The following IL1RAP variants were observed in gnomAD, a reference collection of about 807,000 sequenced individuals.
IL1RAP encodes the protein interleukin 1 receptor accessory protein.
A neutral mutation model predicts 60.7 loss-of-function variants in IL1RAP; 35 were observed. That is an observed-to-expected ratio of 0.58 (90% CI 0.44 to 0.76). The LOEUF (loss-of-function observed/expected upper bound fraction) is 0.76, where lower values mean the gene tolerates loss of function less well. IL1RAP is among the 30% of genes least tolerant of loss of function. The pLI is 0.00. For synonymous variants in IL1RAP, 268 were observed against 250.9 expected, an observed-to-expected ratio of 1.07 and a Z score of -0.64; for missense variants, 572 against 693.9, an observed-to-expected ratio of 0.82 and a Z score of 1.97.
At chr3:190,628,913 T>C (rs1024943) in intron 8 of IL1RAP, among the ~76,000 whole-genome samples, 136,940 of 152,222 alleles carry the variant, frequency 0.9, 61,807 homozygotes, top group East Asian at 1. Context: ...ATGACTTCCC[T>C]CTTTTCCAAA....
chr3:190,567,771 T>C (rs1726545300), intron 3 of IL1RAP, among the ~76,000 whole-genome samples: 1 of 152,230 alleles, frequency 6.6e-6, no homozygotes, highest in African/African-American at 2.4e-5. Flanking sequence ...CTGAAACATT[T>C]TCTTCAGGAG....
chr3:190,540,126 A>G (rs891968649), intron 1 of IL1RAP, among the ~76,000 whole-genome samples: 1 of 152,116 alleles, frequency 6.6e-6, no homozygotes, highest in Admixed American at 6.5e-5. Flanking sequence ...GTTTTTGTTT[A>G]GAGAGATCTA....
At chr3:190,516,581 A>C (rs920850387) in intron 1 of IL1RAP, among the ~76,000 whole-genome samples, 2 of 152,230 alleles carry the variant, frequency 1.3e-5, no homozygotes, top group African/African-American at 4.8e-5. Flanking sequence ...CTGGGAGGAC[A>C]TGGCAAGAAT....
At chr3:190,560,932 G>C (rs113691703) in intron 2 of IL1RAP, among the ~76,000 whole-genome samples, 2 of 152,214 alleles carry the variant, frequency 1.3e-5, no homozygotes, top group African/African-American at 4.8e-5. Context: ...GAAACAATAG[G>C]ATTAAATATG....
intron 3 of IL1RAP, among the ~76,000 whole-genome samples, chr3:190,575,538 G>A (rs561466391): frequency 6.6e-6 from 1 of 152,308 alleles, no homozygotes; most frequent in South Asian, 2.1e-4. Flanking sequence ...TGAGAATTGA[G>A]GGATGAGAAA....
rs1211656688 is a variant in IL1RAP, at chr3:190,524,998, ATGTG to A, written c.-89+10783_-89+10786del. Among the ~76,000 whole-genome samples, 6 of 146,468 alleles carry A rather than the reference ATGTG, an allele frequency of 4.1e-5. No individual in the cohort carries two copies. The East Asian group carries it at 1.2e-3, about 29-fold the overall frequency. ...AATTTATGTCTATGTACATATATAT[ATGTG>A]TGTACATGTATATATGTGTATGTAA... On this transcript the variant is annotated intron_variant, in intron 1 of 11. Coordinates refer to ENST00000447382, the MANE Select transcript of IL1RAP (RefSeq NM_002182.4).
chr3:190,656,621 T>C, exon 12 of IL1RAP: 1 of 1,442,928 alleles, frequency 6.9e-7, no homozygotes. Context: ...CTGTGTGTGG[T>C]GGGTGGTGGC....
At chr3:190,571,750 C>T (rs530576381) in intron 3 of IL1RAP, among the ~76,000 whole-genome samples, 14 of 152,260 alleles carry the variant, frequency 9.2e-5, no homozygotes, top group Non-Finnish European at 1.3e-4. Context: ...TTGTCCAACC[C>T]GTGGCCCGCG....
At chr3:190,536,898 G>T (rs976846404) in intron 1 of IL1RAP, among the ~76,000 whole-genome samples, 2 of 152,014 alleles carry the variant, frequency 1.3e-5, no homozygotes, top group Admixed American at 6.6e-5. Context: ...AAGAAAAACA[G>T]TTATATGTGA....
intron 9 of IL1RAP, among the ~76,000 whole-genome samples, chr3:190,643,790 T>G (rs1577815779): frequency 6.6e-6 from 1 of 152,210 alleles, no homozygotes; most frequent in Non-Finnish European, 1.5e-5. Context: ...GGAAAAATAT[T>G]GAGATTTTTA....
At chr3:190,628,192 C>G (rs919076999) in intron 8 of IL1RAP, among the ~76,000 whole-genome samples, 1 of 152,134 alleles carries the variant, frequency 6.6e-6, no homozygotes, top group African/African-American at 2.4e-5. Context: ...GCAAATGAAG[C>G]ATACCATTAC....
chr3:190,547,906 C>A (rs962731131), intron 1 of IL1RAP, among the ~76,000 whole-genome samples: 7 of 152,216 alleles, frequency 4.6e-5, no homozygotes, highest in African/African-American at 1.2e-4. Flanking sequence ...GAATGAGGAG[C>A]CCCTGGGTGT....
chr3:190,553,750 G>A (rs1725106011), intron 1 of IL1RAP, among the ~76,000 whole-genome samples: 1 of 152,226 alleles, frequency 6.6e-6, no homozygotes, highest in African/African-American at 2.4e-5. Flanking sequence ...GAAGTCTGAG[G>A]TTGAGAAGGT....
chr3:190,633,294 C>T (rs1348843883), intron 9 of IL1RAP, among the ~76,000 whole-genome samples: 1 of 151,976 alleles, frequency 6.6e-6, no homozygotes, highest in Admixed American at 6.6e-5. Context: ...GTGTACAGGC[C>T]TTGCATATAT....
At chr3:190,548,051 C>T (rs1376487349) in intron 1 of IL1RAP, among the ~76,000 whole-genome samples, 2 of 152,064 alleles carry the variant, frequency 1.3e-5, no homozygotes, top group African/African-American at 4.8e-5. Context: ...GGGAATGATA[C>T]TAGGAAGTGC....
rs150580007 is a variant in IL1RAP, at chr3:190,592,624, AAACT to A, written c.65-11501_65-11498del. Among the ~76,000 whole-genome samples, 254 of 152,328 alleles carry A rather than the reference AAACT, an allele frequency of 1.7e-3. 2 individuals carry two copies. The highest frequency in any genetic ancestry group is 5.6e-3 in the African/African-American group (231 of 41,580). On this transcript the variant is annotated intron_variant, in intron 3 of 11. Transcript: ENST00000447382. ...TGTAGAAAGTGACGCTTGTATTTACAAACTAAGAGTGAAACTCCAGCATGGCAGA... is the reference window on the plus strand; with the variant it reads ...TGTAGAAAGTGACGCTTGTATTTACAAAGAGTGAAACTCCAGCATGGCAGA...
At chr3:190,564,085 G>T in intron 2 of IL1RAP, 1 of 549,124 alleles carries the variant, frequency 1.8e-6, no homozygotes, top group South Asian at 2.3e-5. Context: ...CATGTAATAT[G>T]GGAATTGAAA....
intron 3 of IL1RAP, among the ~76,000 whole-genome samples, chr3:190,569,324 G>T (rs1233440647): frequency 6.6e-6 from 1 of 152,148 alleles, no homozygotes; most frequent in African/African-American, 2.4e-5. Context: ...TTTGTTACCA[G>T]CCCCAGTGGC....
chr3:190,549,137 G>C (rs1724633036), intron 1 of IL1RAP, among the ~76,000 whole-genome samples: 1 of 152,092 alleles, frequency 6.6e-6, no homozygotes, highest in Non-Finnish European at 1.5e-5. Context: ...CAAAGCAAGA[G>C]TCCTGTTAGG....
Sources: gnomAD v4.1 joint callset for allele counts (sites outside exome capture counted in the v4.1 genomes callset) on GRCh38, gnomAD v4.1.1 for gene constraint, MANE v1.5 for transcripts, NCBI Gene and HGNC (gene_info 2026-07-23, HGNC 2026-07-21) for gene names.